Variants in PTPRB observed in about 807,000 individuals in gnomAD.
PTPRB encodes receptor-type tyrosine-protein phosphatase beta.
Under a neutral mutation model 238.1 loss-of-function variants are expected in PTPRB, and 97 were observed. The observed-to-expected ratio is 0.41, with a 90% CI of 0.35 to 0.48. PTPRB has a LOEUF of 0.48. PTPRB is among the 20% of genes least tolerant of loss of function. The probability of loss-of-function intolerance (pLI) is 0.30; values close to 1 mark genes in which losing one functional copy is unlikely to be tolerated. For synonymous variants in PTPRB, 970 were observed against 995.4 expected (o/e 0.97, Z 0.48); for missense variants, 2,292 against 2,681.9 (o/e 0.85, Z 3.21).
rs770598015 is a variant in PTPRB, at chr12:70,556,197, T to A, written c.4715-49A>T. The stretch of plus-strand genomic sequence containing the variant: ...ACTTTTCAGAACTCAGGGAGAATTT[T>A]TTTTTTTCAGCTCCTTTGGGTCCAA... On this transcript the variant is annotated intron_variant, in intron 18 of 33. Coordinates refer to ENST00000334414, the MANE Select transcript of PTPRB (RefSeq NM_001109754.4). 13 of 1,533,328 alleles carry A rather than the reference T, an allele frequency of 8.5e-6. No individual in the cohort carries two copies. In the South Asian group the frequency reaches 1.6e-4, roughly 19 times the overall value. 95.0% of individuals were successfully genotyped at this position (1,533,328 alleles called of 1,614,324 possible).
At chr12:70,627,927 C>T (rs564004853) in intron 2 of PTPRB, among the ~76,000 whole-genome samples, 2 of 152,286 alleles carry the variant, frequency 1.3e-5, no homozygotes, top group South Asian at 2.1e-4. Flanking sequence ...GTAAAGCCAA[C>T]AACTTCTACG....
At position 70,519,065 on chromosome 12, in the gene PTPRB, A is replaced by T. The variant is rs1317528459; in HGVS notation, c.*2424T>A. Reference sequence around the variant, plus strand: ...CCCAGGAGTAGGAGCGAATAGTGAAATATTTGTTGCTAAGAAGGTTTAAAA... The same window carrying T: ...CCCAGGAGTAGGAGCGAATAGTGAATTATTTGTTGCTAAGAAGGTTTAAAA... On this transcript the variant is annotated 3_prime_UTR_variant, in exon 34 of 34. Transcript: ENST00000334414. 2 of 152,208 alleles carry T rather than the reference A, an allele frequency of 1.3e-5. No homozygotes were observed. The highest frequency in any genetic ancestry group is 2.9e-5 in the Non-Finnish European group (2 of 68,042). The allele number at this position is 152,208 out of a possible 1,614,324, so 9.4% of individuals were successfully genotyped here.
In PTPRB at chr12:70,546,996, C is replaced by A. The variant is rs544723488; in HGVS notation, c.5388-2333G>T. Among the ~76,000 whole-genome samples, 22 of 151,160 alleles carry A rather than the reference C, an allele frequency of 1.5e-4. No homozygotes were observed. The South Asian group carries it at 4.2e-3, about 29-fold the overall frequency. ...GTTAATTTCAATTCTATGAAAGTGA[C>A]GAGAAGTACTCCTTTTTTTTTTTGT... On this transcript the variant is annotated intron_variant, in intron 21 of 33. Coordinates refer to ENST00000334414, the MANE Select transcript of PTPRB (RefSeq NM_001109754.4).
At chr12:70,617,298 A>T (rs1264265832) in intron 3 of PTPRB, among the ~76,000 whole-genome samples, 1 of 152,240 alleles carries the variant, frequency 6.6e-6, no homozygotes, top group Non-Finnish European at 1.5e-5. Flanking sequence ...ACTATAGTCC[A>T]TGTTAGAATT....
intron 32 of PTPRB, among the ~76,000 whole-genome samples, chr12:70,526,343 T>C (rs1467272900): frequency 6.6e-6 from 1 of 152,172 alleles, no homozygotes; most frequent in Non-Finnish European, 1.5e-5. Context: ...GTTGGGATTA[T>C]AGGTATGGAC....
At chr12:70,537,696 T>C (rs1874384458) in intron 28 of PTPRB, among the ~76,000 whole-genome samples, 1 of 152,194 alleles carries the variant, frequency 6.6e-6, no homozygotes, top group Admixed American at 6.5e-5. Flanking sequence ...CTAGATTTGT[T>C]TGACCCGAAA....
At position 70,622,549 on chromosome 12, in the gene PTPRB, G is replaced by A; in HGVS notation, c.549C>T (p.Phe183=). ...TFNAVPDGLV[F]LIRNTTEAFI... ...AGGCCTCTGTGGTATTCCTAATAAG[G>A]AATACCAGGCCATCTGGAACTGCAT... The change falls in exon 3 of 34, where the codon TTC becomes TTT. Residue 183 remains phenylalanine (F), a synonymous_variant. Transcript: ENST00000334414. The A allele has an allele frequency of 5.0e-6, 8 of 1,608,364 alleles. No homozygotes were observed. The highest frequency in any genetic ancestry group is 6.8e-6 in the Non-Finnish European group (8 of 1,176,994).
intron 32 of PTPRB, among the ~76,000 whole-genome samples, chr12:70,527,166 CTT>C (rs1401027576): frequency 6.6e-6 from 1 of 152,148 alleles, no homozygotes; most frequent in Non-Finnish European, 1.5e-5. Context: ...ATTACAGTCT[CTT>C]TGTGATCCCT....
chr12:70,571,798 T>C (rs752772556), intron 12 of PTPRB, 26 bp downstream of exon 12: 1 of 1,595,906 alleles, frequency 6.3e-7, no homozygotes, highest in Non-Finnish European at 8.5e-7. Context: ...CAACCAACTG[T>C]CAGATTTTGC....
intron 2 of PTPRB, among the ~76,000 whole-genome samples, chr12:70,632,432 G>C (rs1885497496): frequency 6.6e-6 from 1 of 151,890 alleles, no homozygotes; most frequent in Non-Finnish European, 1.5e-5. Flanking sequence ...CTGTCGGGGG[G>C]TGGGGGACTG....
In PTPRB at chr12:70,590,028, A is replaced by C; in HGVS notation, c.1986T>G (p.Tyr662Ter). Residue 662 changes from tyrosine (Y) to a stop codon, truncating the protein, a stop_gained, in exon 8 of 34, where the codon TAT (tyrosine) becomes TAG (stop). Coordinates refer to ENST00000334414, the MANE Select transcript of PTPRB (RefSeq NM_001109754.4). LOFTEE classifies it high-confidence loss of function. ...CACTCTCAACAATGACTTCCACCTC[A>C]TACTGTCTTCCCGGTACGAGCCCCG... is the stretch of plus-strand genomic sequence containing the variant. Reference protein sequence around the residue: ...DDTGLVPGRQYEVEVIVESGN... With the variant: ...DDTGLVPGRQ 2 of 1,613,986 alleles carry C rather than the reference A, an allele frequency of 1.2e-6. No homozygotes were observed. The highest frequency in any genetic ancestry group is 8.5e-7 in the Non-Finnish European group (1 of 1,179,880).
intron 5 of PTPRB, among the ~76,000 whole-genome samples, 157 bp from the exon 6 acceptor site, chr12:70,594,881 G>C (rs1882851585): frequency 6.6e-6 from 1 of 152,132 alleles, no homozygotes; most frequent in African/African-American, 2.4e-5. Context: ...AATTTCACTG[G>C]AACTTTGATT....
chr12:70,524,546 C>G lies in PTPRB; in HGVS notation c.6550G>C (p.Ala2184Pro). 1.2e-6 allele frequency: 2 copies of G among 1,613,084 alleles called. No homozygotes were observed. Among genetic ancestry groups the G allele is most frequent in the Non-Finnish European group, 1.7e-6 (2 of 1,179,176 alleles). ...LHQCVRDVLRARKLRSEQENP... is the reference protein window; with the variant it reads ...LHQCVRDVLRPRKLRSEQENP... ...TCTTGTTCACTCCGTAGCTTTCTTG[C>G]TCTGAGGACATCTCTTACACACTGA... Residue 2184 changes from alanine (A) to proline (P), a missense_variant, in exon 33 of 34, where the codon GCA (alanine) becomes CCA (proline). This residue lies in a region of PTPRB where 397 missense variants were observed against 502.0 expected (regional missense o/e 0.79). Transcript: ENST00000334414.
chr12:70,546,226 T>TA (rs1207717401), intron 21 of PTPRB, among the ~76,000 whole-genome samples: 4 of 152,132 alleles, frequency 2.6e-5, no homozygotes, highest in Non-Finnish European at 5.9e-5. Flanking sequence ...GGCATTGATT[T>TA]ACAACTATCC....
chr12:70,626,338 TCTA>T, intron 2 of PTPRB, among the ~76,000 whole-genome samples: 1 of 142,990 alleles, frequency 7.0e-6, no homozygotes, highest in Non-Finnish European at 1.5e-5. Context: ...TATCTATCTA[TCTA>T]TCTATCTATC....
intron 32 of PTPRB, among the ~76,000 whole-genome samples, chr12:70,526,278 C>T (rs1446003986): frequency 2.0e-5 from 3 of 152,210 alleles, no homozygotes; most frequent in Non-Finnish European, 4.4e-5. Flanking sequence ...TCATAGCTCA[C>T]TGCAGCTTTG....
intron 2 of PTPRB, among the ~76,000 whole-genome samples, chr12:70,631,272 C>A (rs1425152407): frequency 2.6e-5 from 4 of 152,138 alleles, no homozygotes; most frequent in Non-Finnish European, 4.4e-5. Flanking sequence ...AGAAATAATA[C>A]CGCACATCTA....
chr12:70,552,946 G>T lies in PTPRB; in HGVS notation c.5218C>A (p.Arg1740=). The part of the protein sequence containing the change: ...YLEYRHNASI[R]VYQTNYFASK... ...GCAAAATAATTAGTCTGATACACCC[G>T]AATGGAGGCATTGTGCCTGTACTCC... The change falls in exon 21 of 34, where the codon CGG becomes AGG. Residue 1740 remains arginine (R), a synonymous_variant. Coordinates refer to ENST00000334414, the MANE Select transcript of PTPRB (RefSeq NM_001109754.4). 3.7e-6 allele frequency: 6 copies of T among 1,613,884 alleles called. No individual in the cohort carries two copies. Among genetic ancestry groups the T allele is most frequent in the East Asian group, 2.2e-5 (1 of 44,866 alleles).
chr12:70,630,952 T>G (rs962122560), intron 2 of PTPRB, among the ~76,000 whole-genome samples: 2 of 152,292 alleles, frequency 1.3e-5, no homozygotes, highest in African/African-American at 4.8e-5. Flanking sequence ...TGGAAGAACA[T>G]TCCATGCTCA....
Sources: gnomAD v4.1 joint callset for allele counts (sites outside exome capture counted in the v4.1 genomes callset) on GRCh38, gnomAD v4.1.1 for gene constraint, gnomAD v4.1.1 regional missense constraint, MANE v1.5 for transcripts, NCBI Gene and HGNC (gene_info 2026-07-23, HGNC 2026-07-21) for gene names.